The following ESRRG variants were observed in gnomAD, a reference collection of about 807,000 sequenced individuals.
The protein encoded by ESRRG is estrogen related receptor gamma.
A neutral mutation model predicts 44.0 loss-of-function variants in ESRRG; 13 were observed. That is an observed-to-expected ratio of 0.30 (90% confidence interval 0.19 to 0.47). The LOEUF (loss-of-function observed/expected upper bound fraction) is 0.47, where lower values mean the gene tolerates loss of function less well. ESRRG is among the 20% of genes least tolerant of loss of function. The probability of loss-of-function intolerance (pLI) is 1.00; values close to 1 mark genes in which losing one functional copy is unlikely to be tolerated. For missense variants in ESRRG, 395 were observed against 580.6 expected (o/e 0.68, Z 3.29); for synonymous variants, 215 against 214.6 (o/e 1.00, Z -0.02).
intron 2 of ESRRG, among the ~76,000 whole-genome samples, chr1:216,729,129 A>G (rs1367755513): frequency 1.3e-5 from 2 of 152,198 alleles, no homozygotes; most frequent in Non-Finnish European, 2.9e-5. Context: ...GGGAATAACA[A>G]TAACAATCTT....
chr1:217,062,578 G>A (rs2088784502), intron 1 of ESRRG, among the ~76,000 whole-genome samples: 1 of 152,122 alleles, frequency 6.6e-6, no homozygotes, highest in Non-Finnish European at 1.5e-5. Flanking sequence ...CTTGTGAGGA[G>A]GTAAGAAATT....
rs1366606146 is a variant in ESRRG at position 216,677,298 on chromosome 1, G to C, written c.250C>G (p.Leu84Val). 3 of 1,614,174 alleles carry C rather than the reference G, an allele frequency of 1.9e-6. No individual in the cohort carries two copies. The highest frequency in any genetic ancestry group is 3.3e-5 in the Admixed American group (2 of 60,020). ...GHQNGLDSPP[L>V]YPSAPILGGS... ...CCCAGGATAGGAGCAGAAGGGTAGA[G>C]AGGTGGCGAGTCAAGTCCGTTCTGA... Residue 84 changes from leucine (L) to valine (V), a missense_variant, in exon 2 of 7, where the codon CTC becomes GTC. By Grantham distance (32) the Leu-to-Val change is conservative (BLOSUM62 1). Coordinates refer to ENST00000408911, the MANE Select transcript of ESRRG (RefSeq NM_001438.4).
In ESRRG at chr1:216,881,785, G is replaced by A. The variant is rs181953380; in HGVS notation, c.-14+57797C>T. Among the ~76,000 whole-genome samples, 300 of 152,266 alleles carry A rather than the reference G, an allele frequency of 2.0e-3. 2 individuals carry two copies. Among genetic ancestry groups the A allele is most frequent in the African/African-American group, 6.0e-3 (250 of 41,558 alleles). Reference sequence around the variant, plus strand: ...GATAAAAAGTTATGGACACATTCAAGCAAATGTTTCAAGGGGAATGAAGAT... The same window carrying A: ...GATAAAAAGTTATGGACACATTCAAACAAATGTTTCAAGGGGAATGAAGAT... On this transcript the variant is annotated intron_variant, in intron 2 of 7. Transcript: ENST00000359162.
chr1:217,066,725 G>C (rs985471417), intron 1 of ESRRG, among the ~76,000 whole-genome samples: 1 of 152,206 alleles, frequency 6.6e-6, no homozygotes, highest in Non-Finnish European at 1.5e-5. Context: ...CCTGTGGACT[G>C]CATGATGTTT....
chr1:217,097,452 T>C (rs12126987), intron 1 of ESRRG, among the ~76,000 whole-genome samples: 3,038 of 152,234 alleles, frequency 0.02, 62 homozygotes, highest in Middle Eastern at 0.034. Flanking sequence ...TTGACACTGA[T>C]ATGTAAATGC....
intron 1 of ESRRG, among the ~76,000 whole-genome samples, chr1:217,075,589 T>TCCCCC (rs66514039): frequency 6.9e-6 from 1 of 145,304 alleles, no homozygotes; most frequent in Admixed American, 6.9e-5. Context: ...ATTGCTCCTT[T>TCCCCC]CCCCCCCCCA....
chr1:216,615,009 G>T (rs949581112), intron 3 of ESRRG, among the ~76,000 whole-genome samples: 1 of 152,134 alleles, frequency 6.6e-6, no homozygotes, highest in African/African-American at 2.4e-5. Context: ...AGGCGGCTTG[G>T]TCATAAGGAG....
intron 5 of ESRRG, among the ~76,000 whole-genome samples, chr1:216,524,202 C>A (rs994855176): frequency 1.4e-5 from 2 of 138,830 alleles, no homozygotes; most frequent in East Asian, 2.0e-4. Context: ...AGCTCAGGGG[C>A]TTGTAGGAAA....
intron 5 of ESRRG, among the ~76,000 whole-genome samples, chr1:216,541,383 C>A (rs774564442): frequency 2.6e-5 from 4 of 152,026 alleles, no homozygotes; most frequent in East Asian, 1.9e-4. Flanking sequence ...ACTTAACAGG[C>A]AAATTCAATA....
chr1:216,580,689 G>C (rs1003659686), intron 3 of ESRRG, among the ~76,000 whole-genome samples: 1 of 152,140 alleles, frequency 6.6e-6, no homozygotes, highest in African/African-American at 2.4e-5. Flanking sequence ...CTCTCTTCCA[G>C]TTCTAAAAGT....
upstream of ESRRG, among the ~76,000 whole-genome samples, chr1:217,091,263 A>C (rs919352077): frequency 1.3e-5 from 2 of 152,226 alleles, no homozygotes; most frequent in African/African-American, 4.8e-5. Context: ...CCAAATTCCT[A>C]AAAGATGACA....
intron 5 of ESRRG, among the ~76,000 whole-genome samples, chr1:216,545,196 C>A (rs2054118699): frequency 6.6e-6 from 1 of 151,426 alleles, no homozygotes; most frequent in Non-Finnish European, 1.5e-5. Context: ...TACAGGCATA[C>A]ACCAGCATGC....
At chr1:217,027,090 C>A (rs2081335064) in intron 1 of ESRRG, among the ~76,000 whole-genome samples, 2 of 152,088 alleles carry the variant, frequency 1.3e-5, no homozygotes, top group African/African-American at 2.4e-5. Context: ...GGTAAGAATT[C>A]TAAATGTTCT....
chr1:216,738,281 C>A (rs1575965388), intron 2 of ESRRG, among the ~76,000 whole-genome samples: 1 of 152,232 alleles, frequency 6.6e-6, no homozygotes, highest in East Asian at 1.9e-4. Context: ...TCTGTGGACT[C>A]CAGCTTTTGT....
chr1:216,683,516 C>A (rs1319002115), intron 1 of ESRRG, among the ~76,000 whole-genome samples: 1 of 152,148 alleles, frequency 6.6e-6, no homozygotes, highest in Admixed American at 6.5e-5. Context: ...AAAACAGCTG[C>A]CCTCAAAGCT....
intron 1 of ESRRG, among the ~76,000 whole-genome samples, chr1:217,018,542 A>G (rs11117749): frequency 0.51 from 77,465 of 151,860 alleles, 20,076 homozygotes; most frequent in African/African-American, 0.58. Context: ...TTTGCTGCTC[A>G]GCTCCCTCCT....
intron 1 of ESRRG, among the ~76,000 whole-genome samples, chr1:217,083,068 A>G (rs2091872009): frequency 6.6e-6 from 1 of 152,244 alleles, no homozygotes; most frequent in African/African-American, 2.4e-5. Flanking sequence ...TATTATGCTT[A>G]TCACTTGTAT....
chr1:216,519,402 C>T lies in ESRRG; in HGVS notation c.882G>A (p.Leu294=). The change falls in exon 6 of 7, where the codon CTG becomes CTA. Residue 294 remains leucine, a synonymous_variant. Transcript: ENST00000408911. ...TCTGCAGAAGGCTCATCTGGTCCGCCAGGGACAGCGTGGAGAAGCCTGCAT... is the reference window on the plus strand; with the variant it reads ...TCTGCAGAAGGCTCATCTGGTCCGCTAGGGACAGCGTGGAGAAGCCTGCAT... ...KHIPGFSTLS[L]ADQMSLLQSA... The T allele has an allele frequency of 6.2e-7, 1 of 1,611,986 alleles. No homozygotes were observed. The highest frequency in any genetic ancestry group is 8.5e-7 in the Non-Finnish European group (1 of 1,179,660).
intron 2 of ESRRG, among the ~76,000 whole-genome samples, chr1:216,751,444 T>C (rs1338181343): frequency 6.6e-6 from 1 of 152,150 alleles, no homozygotes; most frequent in Non-Finnish European, 1.5e-5. Flanking sequence ...TCCAGTGCCT[T>C]TTTGATGTCT....
Sources: allele counts gnomAD v4.1 joint callset (sites outside exome capture counted in the v4.1 genomes callset), GRCh38; gene constraint gnomAD v4.1.1; transcripts MANE v1.5; gene names NCBI Gene and HGNC (gene_info 2026-07-23, HGNC 2026-07-21).